SPECC1: variants seen among roughly 807,000 people sequenced by gnomAD.
SPECC1 encodes sperm antigen with calponin homology and coiled-coil domains 1.
Under a neutral mutation model 104.1 loss-of-function variants are expected in SPECC1, and 62 were observed. The ratio of observed to expected loss-of-function variants is 0.60; its 90% CI spans 0.49 to 0.74. SPECC1 has a LOEUF of 0.74. SPECC1 is among the 30% of genes least tolerant of loss of function. The pLI, the probability that SPECC1 is intolerant of heterozygous loss-of-function variation, is 0.00. For synonymous variants in SPECC1, 513 were observed against 501.6 expected, an observed-to-expected ratio of 1.02 and a Z score of -0.30; for missense variants, 1,306 against 1,310.5, an observed-to-expected ratio of 1.00 and a Z score of 0.05.
At chr17:20,143,102 GAAAGTT>G (rs1324103361) in intron 3 of SPECC1, among the ~76,000 whole-genome samples, 1 of 149,034 alleles carries the variant, frequency 6.7e-6, no homozygotes, top group Non-Finnish European at 1.5e-5. Context: ...GAACAGAGAA[GAAAGTT>G]AAAGTACTAT....
intron 12 of SPECC1, among the ~76,000 whole-genome samples, chr17:20,275,937 C>T (rs2040560799): frequency 6.6e-6 from 1 of 151,892 alleles, no homozygotes; most frequent in South Asian, 2.1e-4. Flanking sequence ...TTGAACCATA[C>T]GTAAAGGTTT....
At chr17:20,191,932 C>G (rs541272565) in intron 3 of SPECC1, among the ~76,000 whole-genome samples, 7 of 151,860 alleles carry the variant, frequency 4.6e-5, no homozygotes, top group South Asian at 2.1e-4. Flanking sequence ...TCAGGTGTTT[C>G]GTTTTCCATT....
In SPECC1 at chr17:20,318,213, G is replaced by C. The variant is rs1168074884; in HGVS notation, c.*4148G>C. 1 of 232,024 alleles carries C rather than the reference G, an allele frequency of 4.3e-6. No homozygotes were observed. The highest frequency in any genetic ancestry group is 8.5e-6 in the Non-Finnish European group (1 of 117,336). The allele number at this position is 232,024 out of a possible 1,614,324, so 14.4% of individuals were successfully genotyped here. On this transcript the variant is annotated 3_prime_UTR_variant, in exon 15 of 15. Transcript: ENST00000395527. ...AAATGCAAGCCCCAGTAGAGTTGGAGAGTTTTTCAAGGTGAGAAGTCGCTG... is the reference window on the plus strand; with the variant it reads ...AAATGCAAGCCCCAGTAGAGTTGGACAGTTTTTCAAGGTGAGAAGTCGCTG...
Position 20,314,143 on chromosome 17 carries a change from C to A in SPECC1, c.*78C>A. 8.2e-7 allele frequency: 1 copy of A among 1,226,292 alleles called. No individual in the cohort carries two copies. The highest frequency in any genetic ancestry group is 1.2e-6 in the Non-Finnish European group (1 of 849,752). The allele number at this position is 1,226,292 out of a possible 1,614,324, so 76.0% of individuals were successfully genotyped here. On this transcript the variant is annotated 3_prime_UTR_variant, in exon 15 of 15. Transcript: ENST00000395527. ...AAGCGCCTGATTACTGTCCACTGAC[C>A]CTGCTCTGCCCACCACCCAGCTGCC...
intron 10 of SPECC1, 82 bp downstream of exon 10, chr17:20,253,668 C>A: frequency 7.5e-7 from 1 of 1,326,234 alleles, no homozygotes; most frequent in Non-Finnish European, 1.1e-6. Context: ...TGAAACTGAG[C>A]TTAGAAAAAT....
At chr17:20,217,676 C>T (rs1016470994) in intron 4 of SPECC1, among the ~76,000 whole-genome samples, 6 of 152,170 alleles carry the variant, frequency 3.9e-5, no homozygotes, top group Admixed American at 3.9e-4. Flanking sequence ...GACTCAAAAG[C>T]CACCTTCTAT....
At chr17:20,140,400 A>G (rs1370471034) in intron 3 of SPECC1, among the ~76,000 whole-genome samples, 1 of 152,208 alleles carries the variant, frequency 6.6e-6, no homozygotes, top group Non-Finnish European at 1.5e-5. Context: ...ACATGTTTGC[A>G]AATATTCCTC....
chr17:20,284,540 A>C (rs544029088), intron 12 of SPECC1, among the ~76,000 whole-genome samples: 2 of 152,260 alleles, frequency 1.3e-5, no homozygotes, highest in Non-Finnish European at 2.9e-5. Context: ...AATGCACGGC[A>C]GGGAAGGAGC....
At chr17:20,032,888 G>T (rs922472909) in intron 1 of SPECC1, among the ~76,000 whole-genome samples, 1 of 151,422 alleles carries the variant, frequency 6.6e-6, no homozygotes, top group African/African-American at 2.4e-5. Flanking sequence ...ATATATATGT[G>T]TGTCTGTATA....
At chr17:20,305,417 A>G (rs2041730867) in intron 13 of SPECC1, among the ~76,000 whole-genome samples, 1 of 152,194 alleles carries the variant, frequency 6.6e-6, no homozygotes. Flanking sequence ...ACGGGCACTA[A>G]AATTAGCTAT....
chr17:20,154,636 C>G (rs953519601), intron 3 of SPECC1, among the ~76,000 whole-genome samples: 1 of 152,136 alleles, frequency 6.6e-6, no homozygotes, highest in Non-Finnish European at 1.5e-5. Flanking sequence ...GACACTGGAG[C>G]GTTGCAAGTG....
In SPECC1 at chr17:20,205,610, G is replaced by C; in HGVS notation, c.1561G>C (p.Glu521Gln). 2 of 1,614,112 alleles carry C rather than the reference G, an allele frequency of 1.2e-6. No homozygotes were observed. Among genetic ancestry groups the C allele is most frequent in the East Asian group, 4.5e-5 (2 of 44,886 alleles). Residue 521 changes from glutamate to glutamine, a missense_variant, in exon 4 of 15, where the codon GAG becomes CAG. By Grantham distance (29) the Glu-to-Gln change is conservative (BLOSUM62 2). Transcript: ENST00000395527. ...RLKEENEKLN[E>Q]FLELERHNNN... ...GAAGGAAGAAAATGAAAAACTGAAT[G>C]AGTTTCTAGAACTGGAACGGCATAA...
At chr17:20,259,084 T>C (rs568473568) in intron 11 of SPECC1, among the ~76,000 whole-genome samples, 35 of 152,234 alleles carry the variant, frequency 2.3e-4, no homozygotes, top group Non-Finnish European at 4.7e-4. Flanking sequence ...TTAATAAATC[T>C]TATAATCACA....
At chr17:20,285,065 C>T (rs917537078) in intron 12 of SPECC1, among the ~76,000 whole-genome samples, 1 of 152,176 alleles carries the variant, frequency 6.6e-6, no homozygotes, top group Non-Finnish European at 1.5e-5. Flanking sequence ...TAGCACAGTA[C>T]ACAATTCAGT....
rs2042002592 is a variant in SPECC1 at position 20,314,157 on chromosome 17, C to T, written c.*92C>T. The stretch of plus-strand genomic sequence containing the variant: ...TGTCCACTGACCCTGCTCTGCCCAC[C>T]ACCCAGCTGCCTAGACTTCAAAGAC... On this transcript the variant is annotated 3_prime_UTR_variant, in exon 15 of 15. Coordinates refer to ENST00000395527, the MANE Select transcript of SPECC1 (RefSeq NM_001243439.2). 3.7e-6 allele frequency: 4 copies of T among 1,081,106 alleles called. No individual in the cohort carries two copies. In the African/African-American group the frequency reaches 6.2e-5, roughly 17 times the overall value. 67.0% of individuals were successfully genotyped at this position (1,081,106 alleles called of 1,614,324 possible). A position where few individuals can be genotyped will look rare whatever the true frequency, so the allele number is the denominator to read the frequency against.
intron 14 of SPECC1, among the ~76,000 whole-genome samples, chr17:20,311,378 T>TTTTTG (rs2041927100): frequency 1.3e-5 from 2 of 151,816 alleles, no homozygotes; most frequent in African/African-American, 4.8e-5. Flanking sequence ...AGTACATTTT[T>TTTTTG]TTTTTGTTTT....
chr17:20,188,718 G>T (rs2035450322), intron 3 of SPECC1, among the ~76,000 whole-genome samples: 1 of 152,132 alleles, frequency 6.6e-6, no homozygotes, highest in African/African-American at 2.4e-5. Context: ...ATGTGAAAGT[G>T]CTTACAAAAC....
chr17:20,262,300 A>C (rs905357885), intron 12 of SPECC1, among the ~76,000 whole-genome samples: 3 of 152,244 alleles, frequency 2.0e-5, no homozygotes, highest in Non-Finnish European at 2.9e-5. Flanking sequence ...ATATGTGCTC[A>C]TTCCTGCTGG....
intron 3 of SPECC1, among the ~76,000 whole-genome samples, chr17:20,162,974 G>A (rs2033306835): frequency 6.6e-6 from 1 of 152,176 alleles, no homozygotes; most frequent in Non-Finnish European, 1.5e-5. Flanking sequence ...GTTGCGGTGA[G>A]CCAAGATTGC....
Sources: allele counts gnomAD v4.1 joint callset (sites outside exome capture counted in the v4.1 genomes callset), GRCh38; gene constraint gnomAD v4.1.1; transcripts MANE v1.5; gene names NCBI Gene and HGNC (gene_info 2026-07-23, HGNC 2026-07-21).